OSBP2: variants seen among roughly 807,000 people sequenced by gnomAD.
OSBP2 encodes oxysterol-binding protein 2.
Under a neutral mutation model 96.0 loss-of-function variants are expected in OSBP2, and 66 were observed. The ratio of observed to expected loss-of-function variants is 0.69; its 90% CI spans 0.56 to 0.84. OSBP2 has a LOEUF of 0.84. OSBP2 is among the 40% of genes least tolerant of loss of function. The pLI, the probability that OSBP2 is intolerant of heterozygous loss-of-function variation, is 0.00. For synonymous variants in OSBP2, 525 were observed against 520.9 expected, an observed-to-expected ratio of 1.01 and a Z score of -0.11; for missense variants, 1,038 against 1,222.7, an observed-to-expected ratio of 0.85 and a Z score of 2.25.
intron 12 of OSBP2, among the ~76,000 whole-genome samples, 170 bp from the exon 13 acceptor site, chr22:30,905,667 C>T (rs1602455043): frequency 6.6e-6 from 1 of 152,182 alleles, no homozygotes; most frequent in Admixed American, 6.5e-5. Context: ...CACTGGGTTC[C>T]GCCGGGTGGG....
chr22:30,787,193 A>G (rs759582389), intron 2 of OSBP2, among the ~76,000 whole-genome samples: 11 of 152,196 alleles, frequency 7.2e-5, no homozygotes, highest in Non-Finnish European at 1.5e-4. Flanking sequence ...TATAAAGGAA[A>G]GGGGTTTAAT....
At chr22:30,902,401 G>A (rs2040233478) in intron 12 of OSBP2, 2 of 1,566,530 alleles carry the variant, frequency 1.3e-6, no homozygotes, top group Non-Finnish European at 1.8e-6. Context: ...CTTGACATAC[G>A]ATGGTGCACT....
At chr22:30,698,400 C>T (rs900699928) in intron 1 of OSBP2, among the ~76,000 whole-genome samples, 2 of 151,718 alleles carry the variant, frequency 1.3e-5, no homozygotes, top group African/African-American at 4.8e-5. Context: ...TTGCTGGCTT[C>T]TCTTTTGGAA....
intron 2 of OSBP2, among the ~76,000 whole-genome samples, chr22:30,744,753 T>TC (rs2089977956): frequency 6.6e-6 from 1 of 151,918 alleles, no homozygotes; most frequent in Admixed American, 6.6e-5. Context: ...AGAGTGAGAC[T>TC]CTGTCTCAAA....
chr22:30,872,889 G>A (rs748444326), intron 3 of OSBP2, among the ~76,000 whole-genome samples: 2 of 152,226 alleles, frequency 1.3e-5, no homozygotes, highest in Non-Finnish European at 2.9e-5. Flanking sequence ...TGTGTGCAGA[G>A]GAGCCATGTA....
rs752720811 is a variant in OSBP2 at position 30,893,272 on chromosome 22, C to T, written c.1990+30C>T. 17 of 1,613,650 alleles carry T rather than the reference C, an allele frequency of 1.1e-5. No homozygotes were observed. The African/African-American group carries it at 2.1e-4, about 20-fold the overall frequency. On this transcript the variant is annotated intron_variant, in intron 9 of 13. Transcript: ENST00000332585. ...GCTGGGGCCCGGTGCCTTCCTGGGA[C>T]ACAGAGACATTGTGCATAAGAGGGA...
chr22:30,803,252 C>T (rs575981792), intron 2 of OSBP2: 57 of 153,692 alleles, frequency 3.7e-4, no homozygotes, highest in African/African-American at 1.3e-3. Flanking sequence ...TTTAAAATTT[C>T]CCTTCCCCGT....
chr22:30,883,333 C>G (rs959399506), intron 3 of OSBP2, among the ~76,000 whole-genome samples: 3 of 152,200 alleles, frequency 2.0e-5, no homozygotes, highest in Non-Finnish European at 2.9e-5. Flanking sequence ...CTGTACTGAC[C>G]CGATTAGCCC....
intron 12 of OSBP2, among the ~76,000 whole-genome samples, chr22:30,904,372 T>A (rs1475399804): frequency 2.6e-5 from 4 of 152,254 alleles, no homozygotes; most frequent in African/African-American, 9.6e-5. Flanking sequence ...ATGCATTATG[T>A]GGTGTAATCA....
At chr22:30,897,976 T>C (rs2040104082) in intron 12 of OSBP2, among the ~76,000 whole-genome samples, 1 of 151,516 alleles carries the variant, frequency 6.6e-6, no homozygotes, top group Non-Finnish European at 1.5e-5. Context: ...AAAAGATATT[T>C]AAACTGGCTG....
intron 2 of OSBP2, among the ~76,000 whole-genome samples, chr22:30,850,210 G>T (rs1050597905): frequency 6.6e-6 from 1 of 151,622 alleles, no homozygotes; most frequent in Admixed American, 6.6e-5. Flanking sequence ...GGAGGCTGAG[G>T]CAGGAGAATT....
At chr22:30,888,855 A>G (rs371701753) in intron 5 of OSBP2, among the ~76,000 whole-genome samples, 4 of 152,350 alleles carry the variant, frequency 2.6e-5, no homozygotes, top group South Asian at 4.1e-4. Flanking sequence ...CACAGCCTAT[A>G]GCTCCTGGGC....
At chr22:30,732,307 AAAAT>A (rs897490027) in intron 1 of OSBP2, among the ~76,000 whole-genome samples, 48 of 152,254 alleles carry the variant, frequency 3.2e-4, no homozygotes, top group African/African-American at 1.1e-3. Flanking sequence ...TCTGTCTCAA[AAAAT>A]AAATAAATAA....
Position 30,871,550 on chromosome 22 carries a change from CA to C in OSBP2, c.1107+869del. On this transcript the variant is annotated intron_variant, in intron 3 of 13. Transcript: ENST00000332585. This position sits in a 1 kb window ranked among gnomAD's most constrained non-coding sequence, Gnocchi z 4.7. ...AGGAGACCAGAGCAGAGGAGCTGTA[CA>C]GAAATGGAGGCCGCAGAGGAAGAAG... is the stretch of plus-strand genomic sequence containing the variant. Among the ~76,000 whole-genome samples the C allele has an allele frequency of 1.3e-5, 2 of 152,246 alleles. No individual in the cohort carries two copies. The highest frequency in any genetic ancestry group is 3.9e-4 in the East Asian group (2 of 5,176).
At chr22:30,825,285 C>T (rs1188571717) in intron 2 of OSBP2, among the ~76,000 whole-genome samples, 1 of 152,080 alleles carries the variant, frequency 6.6e-6, no homozygotes, top group Non-Finnish European at 1.5e-5. Context: ...GTCAGGAGTT[C>T]GAGACCAGCC....
intron 1 of OSBP2, among the ~76,000 whole-genome samples, chr22:30,730,809 A>ATT (rs1322802087): frequency 3.3e-4 from 7 of 21,268 alleles, no homozygotes; most frequent in Non-Finnish European, 4.2e-4. Context: ...TATATATATA[A>ATT]TTTTTTTTTT....
At chr22:30,756,882 C>T (rs919362393) in intron 2 of OSBP2, among the ~76,000 whole-genome samples, 5 of 152,074 alleles carry the variant, frequency 3.3e-5, no homozygotes, top group Admixed American at 6.5e-5. Flanking sequence ...TGATAGGGCC[C>T]TTTGCTGAGC....
At chr22:30,693,984 AGCGG>A, upstream of OSBP2, 1 of 1,329,476 alleles carries the variant, frequency 7.5e-7, no homozygotes, top group Non-Finnish European at 1.0e-6. Flanking sequence ...AAAAAAAAAA[AGCGG>A]AAAAAAAAAT....
chr22:30,902,183 T>C, intron 12 of OSBP2: 1 of 795,418 alleles, frequency 1.3e-6, no homozygotes, highest in South Asian at 1.9e-5. Context: ...CTGGTGGCCA[T>C]GGTTCCCGTA....
Sources: gnomAD v4.1 joint callset for allele counts (sites outside exome capture counted in the v4.1 genomes callset) on GRCh38, gnomAD v4.1.1 for gene constraint, Gnocchi (gnomAD v3.1) non-coding constraint, MANE v1.5 for transcripts, NCBI Gene and HGNC (gene_info 2026-07-23, HGNC 2026-07-21) for gene names.